KANK1: variants seen among roughly 807,000 people sequenced by gnomAD.
The protein encoded by KANK1 is KN motif and ankyrin repeat domain-containing protein 1.
In KANK1, 109 loss-of-function variants were observed where a neutral mutation model predicts 106.2. The ratio of observed to expected loss-of-function variants is 1.03; its 90% CI spans 0.88 to 1.20. KANK1 has a LOEUF of 1.20. Ranked by LOEUF, KANK1 falls within the 50% of genes most tolerant of loss-of-function variation. The probability of loss-of-function intolerance (pLI) is 0.00; values close to 1 mark genes in which losing one functional copy is unlikely to be tolerated. For synonymous variants in KANK1, 873 were observed against 652.2 expected, an observed-to-expected ratio of 1.34 and a Z score of -5.16; for missense variants, 2,399 against 1,710.7, an observed-to-expected ratio of 1.40 and a Z score of -7.10.
chr9:562,040 T>TTG (rs1816592826), intron 1 of KANK1, among the ~76,000 whole-genome samples: 2 of 109,740 alleles, frequency 1.8e-5, no homozygotes, highest in Non-Finnish European at 4.1e-5. Context: ...AAATTGCATT[T>TTG]TCTTTTTTTT....
At chr9:528,020 C>T (rs1475645525) in intron 1 of KANK1, among the ~76,000 whole-genome samples, 1 of 151,714 alleles carries the variant, frequency 6.6e-6, no homozygotes, top group Admixed American at 6.6e-5. Context: ...ATAGTCCCAG[C>T]TACTCGGGAG....
At chr9:606,082 T>C (rs909533412) in intron 1 of KANK1, among the ~76,000 whole-genome samples, 1 of 150,946 alleles carries the variant, frequency 6.6e-6, no homozygotes, top group African/African-American at 2.5e-5. Flanking sequence ...TGAAAAATTA[T>C]AGGGGAAGAA....
At chr9:744,758 G>A in intron 11 of KANK1, 169 bp downstream of exon 11, 1 of 1,506,366 alleles carries the variant, frequency 6.6e-7, no homozygotes, top group Middle Eastern at 1.7e-4. Context: ...GCAAAAAGCA[G>A]GAGAACTAAT....
At chr9:612,799 C>T (rs1346375669) in intron 1 of KANK1, among the ~76,000 whole-genome samples, 4 of 152,084 alleles carry the variant, frequency 2.6e-5, no homozygotes, top group African/African-American at 4.8e-5. Context: ...GACACTCTTT[C>T]GAACCCCAGT....
At chr9:505,947 C>G (rs1376561970) in intron 1 of KANK1, among the ~76,000 whole-genome samples, 1 of 152,168 alleles carries the variant, frequency 6.6e-6, no homozygotes. Context: ...AGTAGCTGTT[C>G]ATCTGCCAGT....
intron 1 of KANK1, among the ~76,000 whole-genome samples, chr9:614,389 C>T (rs778115298): frequency 1.3e-5 from 2 of 152,106 alleles, no homozygotes; most frequent in Non-Finnish European, 2.9e-5. Context: ...TATACTTCTG[C>T]AGTTTTTTTA....
chr9:565,230 C>G (rs1255892186), intron 1 of KANK1, among the ~76,000 whole-genome samples: 1 of 152,188 alleles, frequency 6.6e-6, no homozygotes, highest in Non-Finnish European at 1.5e-5. Flanking sequence ...CCATTCAACT[C>G]CCTGACTAGT....
intron 3 of KANK1, among the ~76,000 whole-genome samples, chr9:475,579 C>G (rs1436221374): frequency 3.3e-5 from 5 of 152,024 alleles, no homozygotes; most frequent in Admixed American, 3.3e-4. Context: ...GGAGTTATGC[C>G]CTACAAACCA....
At chr9:505,356 G>C (rs979687390) in intron 1 of KANK1, among the ~76,000 whole-genome samples, 1 of 152,190 alleles carries the variant, frequency 6.6e-6, no homozygotes, top group Non-Finnish European at 1.5e-5. Flanking sequence ...GGGAGGCGGG[G>C]GAGGGGCGTG....
chr9:678,085 C>G (rs576910445), intron 2 of KANK1, among the ~76,000 whole-genome samples: 100 of 152,256 alleles, frequency 6.6e-4, no homozygotes, highest in Non-Finnish European at 9.6e-4. Context: ...GTCTCAGCTG[C>G]AATTATCTCC....
intron 1 of KANK1, among the ~76,000 whole-genome samples, chr9:552,287 C>T (rs532409114): frequency 1.5e-4 from 23 of 152,172 alleles, no homozygotes; most frequent in South Asian, 4.2e-4. Flanking sequence ...AGGAAGAAGA[C>T]GAAAGTAGAA....
intron 1 of KANK1, among the ~76,000 whole-genome samples, chr9:565,249 A>C (rs1312802584): frequency 1.3e-5 from 2 of 152,192 alleles, no homozygotes; most frequent in African/African-American, 4.8e-5. Context: ...GTTACTGCTA[A>C]AGAGAAAAAT....
At chr9:651,593 T>C (rs1323297217) in intron 1 of KANK1, among the ~76,000 whole-genome samples, 1 of 152,226 alleles carries the variant, frequency 6.6e-6, no homozygotes, top group Non-Finnish European at 1.5e-5. Flanking sequence ...CTCTGTTCCA[T>C]ACTCAGCCTG....
chr9:537,590 G>T (rs1267443736), intron 1 of KANK1, among the ~76,000 whole-genome samples: 1 of 152,044 alleles, frequency 6.6e-6, no homozygotes, highest in Non-Finnish European at 1.5e-5. Flanking sequence ...TTGCACCTAA[G>T]ATGAAGCCCT....
intron 3 of KANK1, among the ~76,000 whole-genome samples, chr9:727,788 A>G (rs943518852): frequency 4.0e-5 from 6 of 151,728 alleles, no homozygotes; most frequent in Non-Finnish European, 7.4e-5. Context: ...GCTTTTTTCA[A>G]TTAACCATAT....
chr9:580,796 T>C (rs1221613394), intron 1 of KANK1, among the ~76,000 whole-genome samples: 1 of 152,146 alleles, frequency 6.6e-6, no homozygotes. Flanking sequence ...GGGTAGTCAA[T>C]GGGATTGGGC....
chr9:722,734 TTCTTTTCCTTACCAGTTAAGCC>T (rs1829679039), intron 3 of KANK1, among the ~76,000 whole-genome samples: 1 of 152,186 alleles, frequency 6.6e-6, no homozygotes, highest in Admixed American at 6.5e-5. Context: ...TTTAATGAGG[TTCTTTTCCTTACCAGTTAAGCC>T]TCAGTAGAAT....
intron 3 of KANK1, among the ~76,000 whole-genome samples, chr9:718,360 T>C (rs946231433): frequency 7.1e-6 from 1 of 140,384 alleles, no homozygotes. Context: ...TCACCCAGGC[T>C]AGAGTGCAGT....
chr9:686,701 A>C (rs1408748718), intron 2 of KANK1: 8 of 939,192 alleles, frequency 8.5e-6, no homozygotes, highest in Admixed American at 6.2e-5. Flanking sequence ...TGTGAGGGGA[A>C]ATGGCAGCAT....
Sources: allele counts gnomAD v4.1 joint callset (sites outside exome capture counted in the v4.1 genomes callset), GRCh38; gene constraint gnomAD v4.1.1; transcripts MANE v1.5; gene names NCBI Gene and HGNC (gene_info 2026-07-23, HGNC 2026-07-21).